STARD10: variants seen among roughly 807,000 people sequenced by gnomAD.
The protein encoded by STARD10 is StAR related lipid transfer domain containing 10, also known as START domain-containing protein 10.
Under a neutral mutation model 36.0 loss-of-function variants are expected in STARD10, and 24 were observed. The ratio of observed to expected loss-of-function variants is 0.67; its 90% CI spans 0.48 to 0.94. The LOEUF is 0.94. Among genes scored for constraint, STARD10 ranks in the 40% least tolerant of loss-of-function variants. The probability of loss-of-function intolerance (pLI) is 0.00; values close to 1 mark genes in which losing one functional copy is unlikely to be tolerated. For synonymous variants in STARD10, 156 were observed against 161.9 expected (o/e 0.96, Z 0.28); for missense variants, 335 against 396.6 (o/e 0.84, Z 1.32).
In STARD10 at chr11:72,755,998, A is replaced by T. The variant is rs1025973824; in HGVS notation, c.578-245T>A. ...CTCAAAGATTACGTGGAAGAAAACC[A>T]CAGGGTCCTAGGTAAGCACAGGCTA... On this transcript the variant is annotated intron_variant, in intron 5 of 6. Coordinates refer to ENST00000334805, the MANE Select transcript of STARD10 (RefSeq NM_006645.3). The T allele has an allele frequency of 7.3e-5, 32 of 435,608 alleles. No homozygotes were observed. In the Admixed American group the frequency reaches 9.0e-4, roughly 12 times the overall value. 27.0% of individuals were successfully genotyped at this position (435,608 alleles called of 1,614,324 possible).
At chr11:72,757,529 G>A (rs948317189) in intron 5 of STARD10, among the ~76,000 whole-genome samples, 2 of 152,240 alleles carry the variant, frequency 1.3e-5, no homozygotes, top group Non-Finnish European at 2.9e-5. Context: ...CATGGGGACG[G>A]CAGAGCCCAG....
intron 2 of STARD10, chr11:72,780,042 G>C (rs1462086766): frequency 3.2e-6 from 1 of 310,602 alleles, no homozygotes; most frequent in Non-Finnish European, 6.7e-6. Context: ...GGAAGAGGAA[G>C]GCGAAGGGCA....
intron 5 of STARD10, 95 bp downstream of exon 5, chr11:72,757,672 C>A (rs1451264254): frequency 8.6e-7 from 1 of 1,160,676 alleles, no homozygotes; most frequent in African/African-American, 1.5e-5. Context: ...AAAACAGCTC[C>A]TAACAGATGC....
intron 1 of STARD10, among the ~76,000 whole-genome samples, chr11:72,784,351 T>G (rs1486724977): frequency 1.3e-5 from 2 of 152,158 alleles, no homozygotes; most frequent in Non-Finnish European, 2.9e-5. Flanking sequence ...CCTAGCTGTG[T>G]CACCAGAAGC....
At chr11:72,777,943 G>A (rs1003222011) in intron 2 of STARD10, among the ~76,000 whole-genome samples, 2 of 152,166 alleles carry the variant, frequency 1.3e-5, no homozygotes, top group African/African-American at 4.8e-5. Context: ...AGGCAGGAGA[G>A]GGGAGGGGGA....
In STARD10 at chr11:72,772,784, C is replaced by T. The variant is rs570602161; in HGVS notation, c.207+8191G>A. On this transcript the variant is annotated intron_variant, in intron 2 of 6. Transcript: ENST00000334805. ...CCCTGAACCCCTGCCACAGGGGAGCCTACCTCCCTGACCAACTCACCAAGA... is the reference window on the plus strand; with the variant it reads ...CCCTGAACCCCTGCCACAGGGGAGCTTACCTCCCTGACCAACTCACCAAGA... Among the ~76,000 whole-genome samples, 6 of 152,320 alleles carry T rather than the reference C, an allele frequency of 3.9e-5. No individual in the cohort carries two copies. The East Asian group carries it at 1.2e-3, about 29-fold the overall frequency.
chr11:72,778,963 G>A (rs1238229736), intron 2 of STARD10, among the ~76,000 whole-genome samples: 3 of 152,216 alleles, frequency 2.0e-5, no homozygotes, highest in African/African-American at 7.2e-5. Flanking sequence ...CACCTGACAA[G>A]TCTGATCTGG....
rs541258711 is a variant in STARD10 at position 72,755,453 on chromosome 11, G to A, written c.630+248C>T. ...AGCCTCCCGAGTAGCTGGGATTACA[G>A]GCACCCACCATCACACTCAGCTAAT... is the stretch of plus-strand genomic sequence containing the variant. On this transcript the variant is annotated intron_variant, in intron 6 of 6. Coordinates refer to ENST00000334805, the MANE Select transcript of STARD10 (RefSeq NM_006645.3). 658 of 575,880 alleles carry A rather than the reference G, an allele frequency of 1.1e-3. 9 individuals are homozygous for A. Among genetic ancestry groups the A allele is most frequent in the Admixed American group, 3.8e-4 (14 of 36,558 alleles). 35.7% of individuals were successfully genotyped at this position (575,880 alleles called of 1,614,324 possible).
chr11:72,780,168 C>T (rs774543602), intron 2 of STARD10: 17 of 449,222 alleles, frequency 3.8e-5, no homozygotes, highest in African/African-American at 1.4e-4. Flanking sequence ...AGAGTCTTCA[C>T]GAGCCCCTGC....
At chr11:72,780,338 C>T (rs1433171095) in intron 2 of STARD10, 2 of 408,630 alleles carry the variant, frequency 4.9e-6, no homozygotes, top group Admixed American at 5.4e-5. Flanking sequence ...CTTCCCTTGA[C>T]CCCAGGCCCC....
At chr11:72,790,246 G>A (rs1055503788) in intron 1 of STARD10, 4 of 152,262 alleles carry the variant, frequency 2.6e-5, no homozygotes, top group Admixed American at 1.3e-4. Context: ...GAGGAGAGGT[G>A]GAATCAAGCC....
chr11:72,779,826 C>T (rs1409031319), intron 2 of STARD10, among the ~76,000 whole-genome samples: 2 of 152,044 alleles, frequency 1.3e-5, no homozygotes, highest in Admixed American at 6.6e-5. Context: ...AGCAGATAAT[C>T]GTGTGGGGAT....
At chr11:72,765,641 G>A (rs1406305226) in intron 2 of STARD10, among the ~76,000 whole-genome samples, 1 of 152,142 alleles carries the variant, frequency 6.6e-6, no homozygotes, top group Non-Finnish European at 1.5e-5. Flanking sequence ...GTGATTAAAT[G>A]AGATAACGCA....
At position 72,781,248 on chromosome 11, in the gene STARD10, C is replaced by A. The variant is rs1858992951; in HGVS notation, c.-67G>T. 7.2e-7 allele frequency: 1 copy of A among 1,381,138 alleles called. No homozygotes were observed. The highest frequency in any genetic ancestry group is 1.0e-6 in the Non-Finnish European group (1 of 998,848). The allele number at this position is 1,381,138 out of a possible 1,614,324, so 85.6% of individuals were successfully genotyped here. A position where few individuals can be genotyped will look rare whatever the true frequency, so the allele number is the denominator to read the frequency against. On this transcript the variant is annotated 5_prime_UTR_variant, in exon 2 of 7. It introduces an in-frame stop codon into an upstream open reading frame of the 5' UTR. Coordinates refer to ENST00000334805, the MANE Select transcript of STARD10 (RefSeq NM_006645.3). The surrounding 1 kb of genome is among the most constrained non-coding windows in gnomAD (Gnocchi z 4.7). The stretch of plus-strand genomic sequence containing the variant: ...TCTCCTGGGTCCTCCGCGGAGGCTC[C>A]GACAACGTCGACGCGGCTGCAGATG...
intron 2 of STARD10, among the ~76,000 whole-genome samples, chr11:72,779,362 C>T (rs368282493): frequency 1.2e-4 from 18 of 152,142 alleles, no homozygotes; most frequent in African/African-American, 3.9e-4. Context: ...GAGGCTGAAG[C>T]GGGTGGATCA....
intron 5 of STARD10, among the ~76,000 whole-genome samples, chr11:72,757,360 C>T (rs1858658947): frequency 6.6e-6 from 1 of 152,152 alleles, no homozygotes; most frequent in South Asian, 2.1e-4. Flanking sequence ...GGCCGATGGC[C>T]ACAGGAATCT....
In STARD10 at chr11:72,768,777, A is replaced by C. The variant is rs191002789; in HGVS notation, c.208-9396T>G. On this transcript the variant is annotated intron_variant, in intron 2 of 6. Transcript: ENST00000334805. ...CCTCAGCATGCGTTGTCATGCATTC[A>C]TTTGCCTGCAATGCTGTGGCCCCTT... is the stretch of plus-strand genomic sequence containing the variant. Among the ~76,000 whole-genome samples the C allele has an allele frequency of 2.8e-4, 43 of 152,192 alleles. No individual in the cohort carries two copies. In the East Asian group the frequency reaches 7.7e-3, roughly 27 times the overall value.
At chr11:72,785,088 T>C (rs1203155005) in intron 1 of STARD10, among the ~76,000 whole-genome samples, 3 of 152,116 alleles carry the variant, frequency 2.0e-5, no homozygotes, top group Admixed American at 2.0e-4. Flanking sequence ...TACCCCCTGA[T>C]GGCTGTTGGG....
rs549216958 is a variant in STARD10 at position 72,793,790 on chromosome 11, G to C, written c.-1029C>G. 1 of 152,204 alleles carries C rather than the reference G, an allele frequency of 6.6e-6. No homozygotes were observed. The highest frequency in any genetic ancestry group is 1.9e-4 in the East Asian group (1 of 5,204). The allele number at this position is 152,204 out of a possible 1,614,324, so 9.4% of individuals were successfully genotyped here. ...CCGCCCGGGACCGCCCAGAGGTCCCGGACTAGGGGCGGACTAGGGGCCGCT... is the reference window on the plus strand; with the variant it reads ...CCGCCCGGGACCGCCCAGAGGTCCCCGACTAGGGGCGGACTAGGGGCCGCT... On this transcript the variant is annotated 5_prime_UTR_variant, in exon 1 of 7. Coordinates refer to ENST00000334805, the MANE Select transcript of STARD10 (RefSeq NM_006645.3).
Sources: gnomAD v4.1 joint callset for allele counts (sites outside exome capture counted in the v4.1 genomes callset) on GRCh38, gnomAD v4.1.1 for gene constraint, Gnocchi (gnomAD v3.1) non-coding constraint, MANE v1.5 for transcripts, NCBI Gene and HGNC (gene_info 2026-07-23, HGNC 2026-07-21) for gene names.